PARP1: variants seen among roughly 807,000 people sequenced by gnomAD.
PARP1 encodes the protein poly [ADP-ribose] polymerase 1.
In PARP1, 44 loss-of-function variants were observed where a neutral mutation model predicts 118.7. The ratio of observed to expected loss-of-function variants is 0.37; its 90% CI spans 0.29 to 0.48. The LOEUF (loss-of-function observed/expected upper bound fraction) is 0.48. Among genes scored for constraint, PARP1 ranks in the 20% least tolerant of loss-of-function variants. The probability of loss-of-function intolerance (pLI) is 0.99; values close to 1 mark genes in which losing one functional copy is unlikely to be tolerated. For synonymous variants in PARP1, 492 were observed against 483.2 expected, an observed-to-expected ratio of 1.02 and a Z score of -0.24; for missense variants, 1,100 against 1,272.4, an observed-to-expected ratio of 0.86 and a Z score of 2.06.
rs987339420 is a variant in PARP1 at position 226,386,446 on chromosome 1, T to C, written c.718-4A>G. 5 of 1,586,914 alleles carry C rather than the reference T, an allele frequency of 3.2e-6. No homozygotes were observed. The highest frequency in any genetic ancestry group is 1.3e-5 in the African/African-American group (1 of 74,346). Reference sequence around the variant, plus strand: ...TCCAGATCAGGTCGTTCTGAGCCTATGGACAAGACCCAGTGGCTGAGAGGC... The same window carrying C: ...TCCAGATCAGGTCGTTCTGAGCCTACGGACAAGACCCAGTGGCTGAGAGGC... On this transcript the variant is annotated splice_region_variant and splice_polypyrimidine_tract_variant and intron_variant, in intron 5 of 22. Transcript: ENST00000366794.
intron 2 of PARP1, among the ~76,000 whole-genome samples, chr1:226,400,019 A>AGAATCC: frequency 6.6e-6 from 1 of 152,022 alleles, no homozygotes; most frequent in Admixed American, 6.6e-5. Context: ...CAACGAAAAA[A>AGAATCC]GTTTACATAT....
intron 5 of PARP1, among the ~76,000 whole-genome samples, chr1:226,388,343 A>G (rs920314634): frequency 2.6e-5 from 4 of 152,236 alleles, no homozygotes; most frequent in Non-Finnish European, 4.4e-5. Flanking sequence ...ACAGTTGTGC[A>G]TAATTTGGCC....
chr1:226,393,703 G>A (rs1179719175), intron 2 of PARP1, among the ~76,000 whole-genome samples: 1 of 152,110 alleles, frequency 6.6e-6, no homozygotes, highest in Non-Finnish European at 1.5e-5. Context: ...CTGAGTCAGG[G>A]AAAAAAGACT....
chr1:226,389,240 C>T (rs1664778748), intron 4 of PARP1, among the ~76,000 whole-genome samples: 1 of 152,036 alleles, frequency 6.6e-6, no homozygotes, highest in Non-Finnish European at 1.5e-5. Flanking sequence ...AGAGGCTGCT[C>T]ACAGAGGTGG....
At chr1:226,379,526 G>A (rs540974045) in intron 11 of PARP1, 47 bp downstream of exon 11, 15 of 1,482,464 alleles carry the variant, frequency 1.0e-5, no homozygotes, top group African/African-American at 5.5e-5. Context: ...TCAGCTGGGG[G>A]TTGGGGGGCG....
chr1:226,393,066 T>C (rs1664850382), intron 2 of PARP1: 1 of 1,234,792 alleles, frequency 8.1e-7, no homozygotes, highest in African/African-American at 1.6e-5. Context: ...TTGTAGATGA[T>C]TCTATTTGAT....
intron 4 of PARP1, among the ~76,000 whole-genome samples, chr1:226,389,058 G>C (rs536824741): frequency 6.6e-6 from 1 of 151,694 alleles, no homozygotes; most frequent in Non-Finnish European, 1.5e-5. Flanking sequence ...CCAGGGCTCA[G>C]ACCCCGTCTG....
Position 226,407,801 on chromosome 1 carries a change from G to A in PARP1, c.120+9C>T. 2 of 1,517,560 alleles carry A rather than the reference G, an allele frequency of 1.3e-6. No individual in the cohort carries two copies. The highest frequency in any genetic ancestry group is 1.2e-5 in the South Asian group (1 of 85,052). The allele number at this position is 1,517,560 out of a possible 1,614,324, so 94.0% of individuals were successfully genotyped here. ...GTCCCCGCCCCGCCGCCCGCACAGC[G>A]GCCCGCACCTGCACCATGATGGCCA... On this transcript the variant is annotated intron_variant, in intron 1 of 22. Transcript: ENST00000366794.
At position 226,402,215 on chromosome 1, in the gene PARP1, T is replaced by C; in HGVS notation, c.285A>G (p.Thr95=). The change falls in exon 2 of 23, where the codon ACA becomes ACG. Residue 95 remains threonine (T), a splice_region_variant and synonymous_variant. Coordinates refer to ENST00000366794, the MANE Select transcript of PARP1 (RefSeq NM_001618.4). ...CATGCTGCCCCAGTATGTACACACC[T>C]GTCACTCCTCCAGCTTCCGCTGTCT... ...VKKTAEAGGV[T]GKGQDGIGSK... 1 of 1,614,214 alleles carries C rather than the reference T, an allele frequency of 6.2e-7. No individual in the cohort carries two copies. The highest frequency in any genetic ancestry group is 1.1e-5 in the South Asian group (1 of 91,082).
At chr1:226,392,507 A>G (rs1414356482) in intron 2 of PARP1, 193 bp from the exon 3 acceptor site, 1 of 624,208 alleles carries the variant, frequency 1.6e-6, no homozygotes, top group Admixed American at 2.3e-5. Flanking sequence ...TTCTGGAGAT[A>G]AATGACCCTT....
intron 15 of PARP1, among the ~76,000 whole-genome samples, chr1:226,369,306 C>G (rs1326959196): frequency 6.6e-6 from 1 of 152,230 alleles, no homozygotes; most frequent in Admixed American, 6.5e-5. Flanking sequence ...TGTGTGCTTT[C>G]CTTCTTTCTA....
chr1:226,399,413 C>A (rs1243498999), intron 2 of PARP1, among the ~76,000 whole-genome samples: 2 of 152,048 alleles, frequency 1.3e-5, no homozygotes, highest in Non-Finnish European at 2.9e-5. Context: ...TGAGAGAAGC[C>A]AATCTGAAAA....
chr1:226,383,237 C>A, intron 7 of PARP1, 54 bp from the exon 8 acceptor site: 1 of 1,414,832 alleles, frequency 7.1e-7, no homozygotes, highest in Middle Eastern at 2.1e-4. Flanking sequence ...AGGTAACCAC[C>A]CCATAGACCA....
At chr1:226,387,427 A>G (rs1664736295) in intron 5 of PARP1, among the ~76,000 whole-genome samples, 1 of 152,190 alleles carries the variant, frequency 6.6e-6, no homozygotes, top group Non-Finnish European at 1.5e-5. Context: ...CCTCTGCAAA[A>G]TGGAGACAAA....
chr1:226,382,223 C>T (rs1664623071), intron 8 of PARP1, among the ~76,000 whole-genome samples: 1 of 152,234 alleles, frequency 6.6e-6, no homozygotes, highest in Admixed American at 6.5e-5. Flanking sequence ...TCTGAGTAAA[C>T]AAGCAGCGGG....
At chr1:226,386,518 AT>A in intron 5 of PARP1, 76 bp from the exon 6 acceptor site, 1 of 937,056 alleles carries the variant, frequency 1.1e-6, no homozygotes, top group South Asian at 1.3e-5. Context: ...AGCCCTGGTC[AT>A]GCTGAGCCTC....
Position 226,386,389 on chromosome 1 carries a change from T to G in PARP1, c.771A>C (p.Ser257=), listed in dbSNP as rs1664718464. 7 of 1,614,136 alleles carry G rather than the reference T, an allele frequency of 4.3e-6. No homozygotes were observed. Among genetic ancestry groups the G allele is most frequent in the Non-Finnish European group, 5.1e-6 (6 of 1,179,986 alleles). ...TGAGTAGCTCCTTCAGGTCATTAGT[T>G]GAACACACTTTCTTTAGCTCGTCCT... The part of the protein sequence containing the change: ...NIKDELKKVC[S]TNDLKELLIF... Residue 257 remains serine (S), a synonymous_variant, in exon 6 of 23, where the codon TCA becomes TCC. Coordinates refer to ENST00000366794, the MANE Select transcript of PARP1 (RefSeq NM_001618.4).
Position 226,368,296 on chromosome 1 carries a change from G to C in PARP1, c.2180C>G (p.Ser727Cys). The change falls in exon 16 of 23, where the codon TCT (serine) becomes TGT (cysteine). Residue 727 changes from serine (S) to cysteine (C), a missense_variant. Ser to Cys is a moderately radical substitution (Grantham distance 112). Transcript: ENST00000366794. ...GCGATTTGAGAGATCCAGGATCTGA[G>C]AGTCGCTGCTGCCCTGAGACACCGC... is the stretch of plus-strand genomic sequence containing the variant. ...QQAVSQGSSD[S>C]QILDLSNRFY... is the part of the protein sequence containing the mutation. The C allele has an allele frequency of 6.2e-7, 1 of 1,614,238 alleles. No individual in the cohort carries two copies.
At chr1:226,390,677 A>C (rs942688664) in intron 3 of PARP1, 53 bp from the exon 4 acceptor site, 3 of 1,524,676 alleles carry the variant, frequency 2.0e-6, no homozygotes, top group Non-Finnish European at 2.7e-6. Flanking sequence ...AGGATAGTGA[A>C]CATGATACGG....
Sources: allele counts gnomAD v4.1 joint callset (sites outside exome capture counted in the v4.1 genomes callset), GRCh38; gene constraint gnomAD v4.1.1; transcripts MANE v1.5; gene names NCBI Gene and HGNC (gene_info 2026-07-23, HGNC 2026-07-21).